The following NDUFAF5 variants were observed in gnomAD, a reference collection of about 807,000 sequenced individuals.
NDUFAF5 encodes the protein arginine-hydroxylase NDUFAF5, mitochondrial.
In NDUFAF5, 34 loss-of-function variants were observed where a neutral mutation model predicts 48.9. The ratio of observed to expected loss-of-function variants is 0.70; its 90% CI spans 0.53 to 0.93. NDUFAF5 has a LOEUF of 0.93. Among genes scored for constraint, NDUFAF5 ranks in the 40% least tolerant of loss-of-function variants. The pLI is 0.00. For synonymous variants in NDUFAF5, 153 were observed against 150.6 expected (o/e 1.02, Z -0.12); for missense variants, 428 against 427.5 (o/e 1.00, Z -0.01).
At chr20:13,785,959 C>T (rs1231068136) in intron 1 of NDUFAF5, among the ~76,000 whole-genome samples, 8 of 152,046 alleles carry the variant, frequency 5.3e-5, no homozygotes, top group South Asian at 2.1e-4. Context: ...TTTTGGTCAG[C>T]ACTGCTCTAG....
chr20:13,796,537 T>C (rs929537775), intron 5 of NDUFAF5, among the ~76,000 whole-genome samples: 3 of 152,192 alleles, frequency 2.0e-5, no homozygotes, highest in Non-Finnish European at 2.9e-5. Context: ...TAACACAGTA[T>C]GGTTTGAAAT....
chr20:13,804,969 G>T (rs998405504), intron 7 of NDUFAF5, among the ~76,000 whole-genome samples: 1 of 152,184 alleles, frequency 6.6e-6, no homozygotes, highest in Non-Finnish European at 1.5e-5. Flanking sequence ...ACTAAAAATA[G>T]ATTAGGAACC....
chr20:13,793,031 A>G, intron 3 of NDUFAF5, 149 bp from the exon 4 acceptor site: 2 of 790,248 alleles, frequency 2.5e-6, no homozygotes, highest in Non-Finnish European at 2.2e-6. Flanking sequence ...TGTGTTATTA[A>G]AAGTATTTGT....
chr20:13,796,555 C>T (rs911869550), intron 5 of NDUFAF5, among the ~76,000 whole-genome samples: 1 of 152,198 alleles, frequency 6.6e-6, no homozygotes, highest in Non-Finnish European at 1.5e-5. Flanking sequence ...AATGGACATT[C>T]AGTTCTGTCC....
chr20:13,785,841 ATATAT>A (rs1279602208), intron 1 of NDUFAF5, among the ~76,000 whole-genome samples: 4 of 152,212 alleles, frequency 2.6e-5, no homozygotes, highest in South Asian at 4.1e-4. Flanking sequence ...GTCACATGAA[ATATAT>A]TAAATATAAA....
chr20:13,804,118 A>G (rs926752042), intron 7 of NDUFAF5, among the ~76,000 whole-genome samples: 3 of 152,224 alleles, frequency 2.0e-5, no homozygotes, highest in South Asian at 2.1e-4. Context: ...TTGAAAGGGA[A>G]GAATGACATT....
Position 13,816,863 on chromosome 20 carries a change from T to C in NDUFAF5, c.863-12T>C. On this transcript the variant is annotated splice_polypyrimidine_tract_variant and intron_variant, in intron 9 of 10. Transcript: ENST00000378106. ...GCATTTTTTCAGACTTTAACCATTATTGTCTTTTTAGAAATGTACAGAAAT... is the reference window on the plus strand; with the variant it reads ...GCATTTTTTCAGACTTTAACCATTACTGTCTTTTTAGAAATGTACAGAAAT... The C allele has an allele frequency of 6.3e-7, 1 of 1,581,268 alleles. No homozygotes were observed. Among genetic ancestry groups the C allele is most frequent in the African/African-American group, 1.3e-5 (1 of 74,380 alleles).
chr20:13,793,139 G>A (rs1982581917), intron 3 of NDUFAF5, 41 bp from the exon 4 acceptor site: 1 of 1,611,124 alleles, frequency 6.2e-7, no homozygotes. Flanking sequence ...AATTGTTTGT[G>A]ACTGGATTTG....
rs1455833026 is a variant in NDUFAF5, at chr20:13,817,106, T to C, written c.946-12T>C. 2 of 1,611,604 alleles carry C rather than the reference T, an allele frequency of 1.2e-6. No individual in the cohort carries two copies. Among genetic ancestry groups the C allele is most frequent in the Non-Finnish European group, 1.7e-6 (2 of 1,177,906 alleles). ...ATCTATTTCTAATATCTTTAATCTT[T>C]ATTATTTTCAGGCAAGACCAGCTGA... On this transcript the variant is annotated splice_polypyrimidine_tract_variant and intron_variant, in intron 10 of 10. Coordinates refer to ENST00000378106, the MANE Select transcript of NDUFAF5 (RefSeq NM_024120.5).
chr20:13,785,654 T>G (rs1273375326), intron 1 of NDUFAF5, among the ~76,000 whole-genome samples: 1 of 152,154 alleles, frequency 6.6e-6, no homozygotes, highest in Non-Finnish European at 1.5e-5. Flanking sequence ...CCAGCCAGTA[T>G]GGTAACTGCC....
intron 4 of NDUFAF5, 40 bp downstream of exon 4, chr20:13,793,267 A>T: frequency 6.8e-7 from 1 of 1,465,324 alleles, no homozygotes; most frequent in Non-Finnish European, 9.6e-7. Context: ...TAATCTCGTG[A>T]TGTGTTTTCT....
rs993392910 is a variant in NDUFAF5, at chr20:13,820,177, A to T, written c.*2967A>T. On this transcript the variant is annotated 3_prime_UTR_variant, in exon 11 of 11. Transcript: ENST00000378106. ...ATTCCAAAGGTAAATATGAAAATGT[A>T]TACCTACAAAAGAATTTTTGCTTTA... is the stretch of plus-strand genomic sequence containing the variant. 10 of 152,230 alleles carry T rather than the reference A, an allele frequency of 6.6e-5. No individual in the cohort carries two copies. The highest frequency in any genetic ancestry group is 1.5e-4 in the Non-Finnish European group (10 of 68,040). 9.4% of individuals were successfully genotyped at this position (152,230 alleles called of 1,614,324 possible).
chr20:13,812,940 C>T (rs1480896902), intron 8 of NDUFAF5: 1 of 152,142 alleles, frequency 6.6e-6, no homozygotes, highest in African/African-American at 2.4e-5. Context: ...CCCCTCTTTT[C>T]CTAAAGGTTT....
intron 7 of NDUFAF5, 36 bp from the exon 8 acceptor site, chr20:13,808,806 A>G (rs759170564): frequency 7.2e-7 from 1 of 1,383,438 alleles, no homozygotes; most frequent in Non-Finnish European, 1.0e-6. Context: ...TTGTATCATG[A>G]ATGTCAAATG....
intron 6 of NDUFAF5, among the ~76,000 whole-genome samples, chr20:13,799,983 A>G (rs1265375553): frequency 1.3e-5 from 2 of 152,170 alleles, no homozygotes; most frequent in African/African-American, 4.8e-5. Context: ...AGAAAATGGC[A>G]ATAGAAATAT....
chr20:13,804,411 G>A (rs1294383701), intron 7 of NDUFAF5, among the ~76,000 whole-genome samples: 1 of 149,648 alleles, frequency 6.7e-6, no homozygotes. Flanking sequence ...ACTTTAGTGT[G>A]TAACCTTCCA....
chr20:13,806,168 A>C (rs1301943305), intron 7 of NDUFAF5, among the ~76,000 whole-genome samples: 2 of 152,162 alleles, frequency 1.3e-5, no homozygotes, highest in Non-Finnish European at 1.5e-5. Flanking sequence ...TTCTAAGTAA[A>C]GCTGATTTCC....
At chr20:13,796,653 A>G (rs1244174802) in intron 5 of NDUFAF5, among the ~76,000 whole-genome samples, 1 of 152,308 alleles carries the variant, frequency 6.6e-6, no homozygotes, top group Non-Finnish European at 1.5e-5. Flanking sequence ...GCTGTCACGC[A>G]TGACTACACT....
At chr20:13,786,340 C>T (rs1981120050) in intron 1 of NDUFAF5, among the ~76,000 whole-genome samples, 1 of 152,118 alleles carries the variant, frequency 6.6e-6, no homozygotes, top group Admixed American at 6.6e-5. Flanking sequence ...TTTTGTGTCT[C>T]ACTTGTAAGG....
Sources: allele counts gnomAD v4.1 joint callset (sites outside exome capture counted in the v4.1 genomes callset), GRCh38; gene constraint gnomAD v4.1.1; transcripts MANE v1.5; gene names NCBI Gene and HGNC (gene_info 2026-07-23, HGNC 2026-07-21).